Variants in TBC1D21 observed in about 807,000 individuals in gnomAD.
The protein encoded by TBC1D21 is male germ cell Rab GTPase-activating protein.
A neutral mutation model predicts 46.0 loss-of-function variants in TBC1D21; 38 were observed. That is an observed-to-expected ratio of 0.83 (90% CI 0.64 to 1.08). TBC1D21 has a LOEUF of 1.08. Ranked by LOEUF, TBC1D21 falls within the 50% of genes least tolerant of loss-of-function variation. The probability of loss-of-function intolerance (pLI) is 0.00; values close to 1 mark genes in which losing one functional copy is unlikely to be tolerated. For missense variants in TBC1D21, 415 were observed against 417.9 expected (o/e 0.99, Z 0.06); for synonymous variants, 151 against 157.2 (o/e 0.96, Z 0.29).
intron 1 of TBC1D21, among the ~76,000 whole-genome samples, chr15:73,880,898 A>G (rs1290968166): frequency 1.3e-5 from 2 of 152,226 alleles, no homozygotes; most frequent in Admixed American, 6.5e-5. Context: ...ACAACTTTAT[A>G]GTAGTCAATG....
intron 3 of TBC1D21, among the ~76,000 whole-genome samples, chr15:73,882,811 G>A (rs77149652): frequency 0.015 from 2,352 of 152,308 alleles, 52 homozygotes; most frequent in African/African-American, 0.054. Context: ...TAGCTTTTAT[G>A]ATTTTGATGG....
chr15:73,883,692 G>C (rs1176647700), intron 3 of TBC1D21, among the ~76,000 whole-genome samples: 1 of 152,150 alleles, frequency 6.6e-6, no homozygotes, highest in Non-Finnish European at 1.5e-5. Flanking sequence ...ATGTCTTTTT[G>C]GAGGCCACCA....
chr15:73,896,590 G>A, the TBC1D21 span, among the ~76,000 whole-genome samples: 1 of 152,068 alleles, frequency 6.6e-6, no homozygotes, highest in South Asian at 2.1e-4. Flanking sequence ...GAACGTGGCG[G>A]AACAAAGGCA....
chr15:73,886,502 C>G lies in TBC1D21; in HGVS notation c.677-10C>G, dbSNP rs1237206631. On this transcript the variant is annotated splice_polypyrimidine_tract_variant and intron_variant, in intron 7 of 10. Coordinates refer to ENST00000300504, the MANE Select transcript of TBC1D21 (RefSeq NM_153356.3). ...TCCCCTGACCACAGCCTCACCTTCT[C>G]TCCCCACAGAAGGGAAGGGTGCAGG... 2 of 1,612,410 alleles carry G rather than the reference C, an allele frequency of 1.2e-6. No individual in the cohort carries two copies. The highest frequency in any genetic ancestry group is 1.3e-5 in the African/African-American group (1 of 75,018).
At chr15:73,891,865 T>G (rs564048899), downstream of TBC1D21, among the ~76,000 whole-genome samples, 2 of 152,342 alleles carry the variant, frequency 1.3e-5, no homozygotes, top group Non-Finnish European at 2.9e-5. Flanking sequence ...GCATGGGCCT[T>G]CAGGCACCCC....
the TBC1D21 span, among the ~76,000 whole-genome samples, chr15:73,904,087 T>C: frequency 6.6e-6 from 1 of 152,296 alleles, no homozygotes; most frequent in East Asian, 1.9e-4. Flanking sequence ...ACACAAAATT[T>C]CTCATCTGCT....
chr15:73,898,863 C>CAAAAAAAAAAAAAAAAAAAA, the TBC1D21 span, among the ~76,000 whole-genome samples: 1 of 24,112 alleles, frequency 4.1e-5, no homozygotes, highest in Non-Finnish European at 8.9e-5. Context: ...GACTCCATCT[C>CAAAAAAAAAAAAAAAAAAAA]AAAAAAAAAA....
At chr15:73,899,105 T>C in the TBC1D21 span, among the ~76,000 whole-genome samples, 2 of 151,992 alleles carry the variant, frequency 1.3e-5, no homozygotes, top group African/African-American at 4.8e-5. Flanking sequence ...ATATTAGACT[T>C]CACTAGCAAT....
the TBC1D21 span, among the ~76,000 whole-genome samples, chr15:73,899,559 A>G: frequency 6.6e-6 from 1 of 152,202 alleles, no homozygotes; most frequent in Non-Finnish European, 1.5e-5. Context: ...GAGATCCAGG[A>G]AGGCAACAGT....
At chr15:73,900,826 G>T in the TBC1D21 span, among the ~76,000 whole-genome samples, 2 of 152,208 alleles carry the variant, frequency 1.3e-5, no homozygotes, top group African/African-American at 4.8e-5. Flanking sequence ...CCTAGGAAGA[G>T]TCCCAGCTCT....
the TBC1D21 span, among the ~76,000 whole-genome samples, chr15:73,901,274 C>A: frequency 6.6e-6 from 1 of 152,212 alleles, no homozygotes; most frequent in East Asian, 1.9e-4. Context: ...AAGCCTCATC[C>A]AATGATTGTG....
intron 3 of TBC1D21, among the ~76,000 whole-genome samples, chr15:73,883,105 C>G (rs1190559160): frequency 6.6e-6 from 1 of 152,224 alleles, no homozygotes; most frequent in Non-Finnish European, 1.5e-5. Flanking sequence ...GACTATGTAG[C>G]CTGGGCTGGA....
chr15:73,888,612 C>CTCCTCCTCCTCTTGT (rs2068300417), intron 10 of TBC1D21, 99 bp downstream of exon 10: 1 of 789,398 alleles, frequency 1.3e-6, no homozygotes, highest in East Asian at 2.7e-5. Context: ...CCTCTTCTTC[C>CTCCTCCTCCTCTTGT]TCCTCCTCCT....
chr15:73,897,708 G>C, the TBC1D21 span, among the ~76,000 whole-genome samples: 1 of 152,256 alleles, frequency 6.6e-6, no homozygotes, highest in Non-Finnish European at 1.5e-5. Context: ...GTTGCCGAGA[G>C]GGAGGAAGCC....
chr15:73,881,352 G>C (rs752300444), intron 1 of TBC1D21, 47 bp from the exon 2 acceptor site: 1 of 1,436,514 alleles, frequency 7.0e-7, no homozygotes, highest in Non-Finnish European at 9.8e-7. Context: ...ACACTTAAAA[G>C]CCGAAGCCTT....
At chr15:73,888,061 A>C (rs2068283029) in intron 9 of TBC1D21, among the ~76,000 whole-genome samples, 1 of 152,154 alleles carries the variant, frequency 6.6e-6, no homozygotes, top group African/African-American at 2.4e-5. Flanking sequence ...TGGCCCTAGG[A>C]TATTGCTGAA....
chr15:73,888,605 CTTCTTCCTCCTCCTCCT>C, intron 10 of TBC1D21, 92 bp downstream of exon 10: 1 of 828,254 alleles, frequency 1.2e-6, no homozygotes, highest in African/African-American at 1.9e-5. Flanking sequence ...TCCTCCTCCT[CTTCTTCCTCCTCCTCCT>C]CTTCTTCCTC....
At chr15:73,874,599 T>C (rs770488328) in intron 1 of TBC1D21, among the ~76,000 whole-genome samples, 2 of 152,176 alleles carry the variant, frequency 1.3e-5, no homozygotes, top group Non-Finnish European at 2.9e-5. Flanking sequence ...GTGGCAGAAG[T>C]TGTATTTCGA....
At chr15:73,900,685 G>T in the TBC1D21 span, among the ~76,000 whole-genome samples, 1 of 152,212 alleles carries the variant, frequency 6.6e-6, no homozygotes, top group African/African-American at 2.4e-5. Flanking sequence ...GCAGGACAGA[G>T]ACTAGAGTCT....
Sources: allele counts gnomAD v4.1 joint callset (sites outside exome capture counted in the v4.1 genomes callset), GRCh38; gene constraint gnomAD v4.1.1; transcripts MANE v1.5; gene names NCBI Gene and HGNC (gene_info 2026-07-23, HGNC 2026-07-21).